The following TMPRSS15 variants were observed in gnomAD, a reference collection of about 807,000 sequenced individuals.
TMPRSS15 encodes the protein transmembrane serine protease 15.
Under a neutral mutation model 125.3 loss-of-function variants are expected in TMPRSS15, and 128 were observed. That is an observed-to-expected ratio of 1.02 (90% CI 0.89 to 1.18). The LOEUF is 1.18. Among genes scored for constraint, TMPRSS15 ranks in the 50% most tolerant of loss-of-function variants. The pLI is 0.00. For missense variants in TMPRSS15, 1,283 were observed against 1,212.7 expected (o/e 1.06, Z -0.86); for synonymous variants, 446 against 423.2 (o/e 1.05, Z -0.66).
chr21:18,272,217 G>T (rs541304779), intron 24 of TMPRSS15, among the ~76,000 whole-genome samples: 1 of 152,040 alleles, frequency 6.6e-6, no homozygotes, highest in Non-Finnish European at 1.5e-5. Context: ...TCACAACCTT[G>T]CCAGCATCTA....
chr21:18,316,408 A>G (rs1325812453), intron 16 of TMPRSS15, among the ~76,000 whole-genome samples: 1 of 152,186 alleles, frequency 6.6e-6, no homozygotes, highest in African/African-American at 2.4e-5. Flanking sequence ...TGTAAGAAAG[A>G]AATGTGGAAG....
At chr21:18,404,183 T>C (rs1326683030), upstream of TMPRSS15, among the ~76,000 whole-genome samples, 1 of 152,236 alleles carries the variant, frequency 6.6e-6, no homozygotes, top group Non-Finnish European at 1.5e-5. Flanking sequence ...TACATATACA[T>C]ATACATGTAT....
intron 1 of TMPRSS15, among the ~76,000 whole-genome samples, chr21:18,413,312 T>TTCCTTCCTTCCTTCC (rs1555911459): frequency 3.2e-5 from 3 of 94,798 alleles, no homozygotes; most frequent in South Asian, 4.0e-4. Context: ...TTTTCTTTCT[T>TTCCTTCCTTCCTTCC]TTCCTTCCTT....
chr21:18,275,266 C>T lies in TMPRSS15; in HGVS notation c.2835G>A (p.Met945Ile), dbSNP rs1472082746. ...TATTTTCAGTAATGTTATATTCTGG[C>T]ATCTGCTGTTGGCATCTCTCATTTG... ...LLSNERCQQQ[M>I]PEYNITENMI... Residue 945 changes from methionine to isoleucine, a missense_variant, in exon 24 of 25, where the codon ATG (methionine) becomes ATA (isoleucine). Transcript: ENST00000284885. 1.2e-6 allele frequency: 2 copies of T among 1,614,042 alleles called. No homozygotes were observed. Among genetic ancestry groups the T allele is most frequent in the East Asian group, 4.5e-5 (2 of 44,866 alleles).
intron 13 of TMPRSS15, among the ~76,000 whole-genome samples, chr21:18,336,559 G>T (rs1170456821): frequency 6.6e-6 from 1 of 152,132 alleles, no homozygotes; most frequent in Admixed American, 6.5e-5. Flanking sequence ...TTTATTAAAT[G>T]TGTAACAATA....
At chr21:18,348,414 A>G (rs1043189485) in intron 10 of TMPRSS15, among the ~76,000 whole-genome samples, 2 of 152,208 alleles carry the variant, frequency 1.3e-5, no homozygotes, top group South Asian at 2.1e-4. Context: ...GAGAGATAGT[A>G]GAACTTCCTG....
intron 21 of TMPRSS15, among the ~76,000 whole-genome samples, chr21:18,285,922 G>C (rs909815295): frequency 2.0e-5 from 3 of 152,160 alleles, no homozygotes; most frequent in African/African-American, 7.2e-5. Context: ...AAGGACAAGA[G>C]TTTCATATAT....
At chr21:18,280,582 A>AAAACAAAAAC (rs1555890666) in intron 22 of TMPRSS15, among the ~76,000 whole-genome samples, 4 of 138,602 alleles carry the variant, frequency 2.9e-5, no homozygotes, top group African/African-American at 1.3e-4. Context: ...TCTCAAAAAA[A>AAAACAAAAAC]AAAAAAAAAA....
At position 18,269,832 on chromosome 21, in the gene TMPRSS15, T is replaced by TA; in HGVS notation, c.*136dup. 1 of 1,060,562 alleles carries TA rather than the reference T, an allele frequency of 9.4e-7. No homozygotes were observed. The highest frequency in any genetic ancestry group is 1.6e-5 in the African/African-American group (1 of 61,912). 65.7% of individuals were successfully genotyped at this position (1,060,562 alleles called of 1,614,324 possible). On this transcript the variant is annotated 3_prime_UTR_variant, in exon 25 of 25. Coordinates refer to ENST00000284885, the MANE Select transcript of TMPRSS15 (RefSeq NM_002772.3). The stretch of plus-strand genomic sequence containing the variant: ...TTAAAATTTTGTTTCCCTGGCCCCC[T>TA]AGCATTTCATTGACATAGGTAAGAA...
chr21:18,352,786 C>A (rs1342088467), intron 10 of TMPRSS15, 117 bp downstream of exon 10: 6 of 1,086,512 alleles, frequency 5.5e-6, no homozygotes, highest in Non-Finnish European at 8.2e-6. Flanking sequence ...TTTTAAAAAA[C>A]CCAAAAAGAC....
At position 18,314,969 on chromosome 21, in the gene TMPRSS15, C is replaced by A. The variant is rs545239437; in HGVS notation, c.2032+177G>T. ...CAATAAACTGAGGCCTGCGTATTAA[C>A]TTTTCTTCTATCCAGATGGGGACAG... On this transcript the variant is annotated intron_variant, in intron 17 of 24. Transcript: ENST00000284885. 2.6e-5 allele frequency among the ~76,000 whole-genome samples: 4 copies of A among 152,274 alleles called. No individual in the cohort carries two copies. The South Asian group carries it at 8.3e-4, about 32-fold the overall frequency.
chr21:18,344,722 T>C (rs1344347878), intron 10 of TMPRSS15, among the ~76,000 whole-genome samples: 1 of 152,220 alleles, frequency 6.6e-6, no homozygotes, highest in African/African-American at 2.4e-5. Flanking sequence ...TTTCAGTCAT[T>C]TGAAGTTTGT....
intron 1 of TMPRSS15, among the ~76,000 whole-genome samples, chr21:18,454,427 A>G (rs1225323685): frequency 1.3e-5 from 2 of 152,164 alleles, no homozygotes; most frequent in African/African-American, 4.8e-5. Context: ...ATATAGAGAT[A>G]TATAAAAGGA....
intron 1 of TMPRSS15, among the ~76,000 whole-genome samples, chr21:18,483,417 T>A (rs1361270889): frequency 1.3e-5 from 2 of 151,824 alleles, no homozygotes; most frequent in Non-Finnish European, 2.9e-5. Context: ...GTTCTAACAT[T>A]AGAGTTTCGG....
At chr21:18,336,356 G>A (rs1231870098) in intron 13 of TMPRSS15, among the ~76,000 whole-genome samples, 5 of 152,054 alleles carry the variant, frequency 3.3e-5, no homozygotes, top group African/African-American at 1.2e-4. Flanking sequence ...ATAAAAAGTG[G>A]CTAATTTTCA....
intron 3 of TMPRSS15, among the ~76,000 whole-genome samples, chr21:18,388,820 C>T (rs369994210): frequency 9.8e-4 from 149 of 152,226 alleles, no homozygotes; most frequent in Non-Finnish European, 1.3e-3. Context: ...AGACTAAGTA[C>T]GCATTTTTAT....
chr21:18,343,444 C>G (rs528768269), intron 12 of TMPRSS15, 62 bp downstream of exon 12: 1 of 1,430,748 alleles, frequency 7.0e-7, no homozygotes, highest in East Asian at 2.3e-5. Context: ...CTGTATCATT[C>G]TAAATATAAT....
At chr21:18,485,456 G>A (rs1979060879) in intron 1 of TMPRSS15, among the ~76,000 whole-genome samples, 1 of 151,818 alleles carries the variant, frequency 6.6e-6, no homozygotes, top group African/African-American at 2.4e-5. Flanking sequence ...GCCTTTTGTA[G>A]ATAGCTTTTT....
intron 1 of TMPRSS15, among the ~76,000 whole-genome samples, chr21:18,398,555 A>AT (rs899108746): frequency 2.6e-5 from 4 of 151,844 alleles, no homozygotes; most frequent in South Asian, 2.1e-4. Flanking sequence ...TTCTTTCAAC[A>AT]TTTTTTTTCT....
Sources: allele counts gnomAD v4.1 joint callset (sites outside exome capture counted in the v4.1 genomes callset), GRCh38; gene constraint gnomAD v4.1.1; transcripts MANE v1.5; gene names NCBI Gene and HGNC (gene_info 2026-07-23, HGNC 2026-07-21).